The following SGCD variants were observed in gnomAD, a reference collection of about 807,000 sequenced individuals.
The protein encoded by SGCD is sarcoglycan delta.
Under a neutral mutation model 36.6 loss-of-function variants are expected in SGCD, and 18 were observed. The ratio of observed to expected loss-of-function variants is 0.49; its 90% CI spans 0.34 to 0.73. The LOEUF (loss-of-function observed/expected upper bound fraction) is 0.73. SGCD is among the 30% of genes least tolerant of loss of function. The pLI is 0.01. For synonymous variants in SGCD, 133 were observed against 130.6 expected (o/e 1.02, Z -0.12); for missense variants, 387 against 346.7 (o/e 1.12, Z -0.92).
chr5:156,308,394 G>A (rs1486377548), intron 3 of SGCD, among the ~76,000 whole-genome samples: 1 of 151,828 alleles, frequency 6.6e-6, no homozygotes, highest in Non-Finnish European at 1.5e-5. Flanking sequence ...CGCCTCCCGG[G>A]TTCACGCCAT....
intron 3 of SGCD, among the ~76,000 whole-genome samples, chr5:156,371,270 C>T (rs1258341486): frequency 1.3e-5 from 2 of 151,978 alleles, no homozygotes; most frequent in Non-Finnish European, 2.9e-5. Context: ...TATTTTAATC[C>T]ACTCTGGAAG....
At chr5:156,661,923 G>T (rs1263019594) in intron 7 of SGCD, among the ~76,000 whole-genome samples, 5 of 148,890 alleles carry the variant, frequency 3.4e-5, no homozygotes, top group African/African-American at 7.5e-5. Flanking sequence ...AGGAAGGAAT[G>T]ACCACTCCAC....
At chr5:156,032,456 C>T (rs907333307) in intron 1 of SGCD, among the ~76,000 whole-genome samples, 1 of 151,796 alleles carries the variant, frequency 6.6e-6, no homozygotes, top group South Asian at 2.1e-4. Context: ...CAGTGGCTCA[C>T]ACCTGTAATC....
chr5:156,125,903 A>T (rs1561530167), intron 3 of SGCD, among the ~76,000 whole-genome samples: 1 of 147,344 alleles, frequency 6.8e-6, no homozygotes, highest in African/African-American at 2.5e-5. Flanking sequence ...TTGGAGATGG[A>T]GTCTCACTTT....
At chr5:156,462,831 A>G (rs944397549) in intron 3 of SGCD, among the ~76,000 whole-genome samples, 1 of 152,136 alleles carries the variant, frequency 6.6e-6, no homozygotes, top group Non-Finnish European at 1.5e-5. Context: ...AACTGCAATT[A>G]TTTTTGCACC....
At chr5:156,521,392 G>C (rs190359993) in intron 4 of SGCD, among the ~76,000 whole-genome samples, 79 of 152,292 alleles carry the variant, frequency 5.2e-4, no homozygotes, top group Non-Finnish European at 9.0e-4. Context: ...CACAGCCAAA[G>C]AAACTATCAT....
chr5:156,450,295 G>C (rs975389086), intron 3 of SGCD, among the ~76,000 whole-genome samples: 3 of 151,970 alleles, frequency 2.0e-5, no homozygotes, highest in African/African-American at 7.3e-5. Context: ...TGGGAACCTA[G>C]GTGCAGAGCT....
chr5:156,579,878 CTG>C (rs1415724174), intron 4 of SGCD, among the ~76,000 whole-genome samples: 8 of 152,154 alleles, frequency 5.3e-5, no homozygotes, highest in African/African-American at 1.7e-4. Context: ...ATTTGCCAGT[CTG>C]TGTCTTTTAA....
chr5:156,539,445 A>AT (rs1758261783), intron 4 of SGCD, among the ~76,000 whole-genome samples: 1 of 151,258 alleles, frequency 6.6e-6, no homozygotes, highest in South Asian at 2.1e-4. Flanking sequence ...AAAGGCCATT[A>AT]TATCATTCTC....
the SGCD span, among the ~76,000 whole-genome samples, chr5:155,741,687 C>CTTT: frequency 3.8e-5 from 5 of 132,288 alleles, no homozygotes; most frequent in Non-Finnish European, 6.4e-5. Flanking sequence ...CTTTTCTTTT[C>CTTT]TTTTTTTTTT....
intron 6 of SGCD, among the ~76,000 whole-genome samples, chr5:156,613,099 G>A (rs892936552): frequency 9.2e-5 from 14 of 152,106 alleles, no homozygotes; most frequent in African/African-American, 3.1e-4. Flanking sequence ...GCTTTCCTGG[G>A]TTTCCATGTT....
chr5:156,603,176 A>G (rs280474), intron 6 of SGCD, among the ~76,000 whole-genome samples: 37,309 of 151,876 alleles, frequency 0.25, 4,713 homozygotes, highest in East Asian at 0.31. Flanking sequence ...GTTAGGTTCT[A>G]TGGGGTCCAA....
chr5:155,939,701 G>T (rs1411701359), intron 1 of SGCD, among the ~76,000 whole-genome samples: 1 of 149,590 alleles, frequency 6.7e-6, no homozygotes, highest in African/African-American at 2.5e-5. Context: ...AAATCAAAAA[G>T]AATTAAAAAA....
intron 1 of SGCD, among the ~76,000 whole-genome samples, chr5:155,891,077 G>A (rs1348778398): frequency 6.6e-6 from 1 of 152,208 alleles, no homozygotes; most frequent in Non-Finnish European, 1.5e-5. Context: ...AACATGACAT[G>A]TGTTGGAAGA....
chr5:156,006,199 T>C (rs1758758999), intron 1 of SGCD, among the ~76,000 whole-genome samples: 1 of 152,212 alleles, frequency 6.6e-6, no homozygotes. Flanking sequence ...TTTGATCACA[T>C]GTAGGACCCA....
chr5:156,581,616 G>A (rs755475684), intron 4 of SGCD, among the ~76,000 whole-genome samples: 3 of 152,284 alleles, frequency 2.0e-5, no homozygotes. Flanking sequence ...ACCTACTCAA[G>A]CCTCAGCAAT....
intron 7 of SGCD, among the ~76,000 whole-genome samples, chr5:156,660,273 A>G (rs1213210347): frequency 3.1e-3 from 473 of 151,472 alleles, no homozygotes; most frequent in African/African-American, 0.011. Context: ...GGAAATATTT[A>G]TCATCATCCC....
At chr5:156,615,576 G>C (rs146665925) in intron 6 of SGCD, among the ~76,000 whole-genome samples, 111 of 152,234 alleles carry the variant, frequency 7.3e-4, no homozygotes, top group Middle Eastern at 6.8e-3. Flanking sequence ...AGTGAAAGGG[G>C]TGGGAGTGTT....
the SGCD span, among the ~76,000 whole-genome samples, chr5:155,774,378 C>T: frequency 1.3e-5 from 2 of 152,118 alleles, no homozygotes; most frequent in Non-Finnish European, 2.9e-5. Flanking sequence ...AGCCATTTTC[C>T]CTTTGTCCTT....
Sources: allele counts gnomAD v4.1 joint callset (sites outside exome capture counted in the v4.1 genomes callset), GRCh38; gene constraint gnomAD v4.1.1; transcripts MANE v1.5; gene names NCBI Gene and HGNC (gene_info 2026-07-23, HGNC 2026-07-21).